The following GSK3B variants were observed in gnomAD, a reference collection of about 807,000 sequenced individuals.
The protein encoded by GSK3B is glycogen synthase kinase-3 beta.
In GSK3B, 15 loss-of-function variants were observed where a neutral mutation model predicts 56.4. The ratio of observed to expected loss-of-function variants is 0.27; its 90% CI spans 0.18 to 0.41. GSK3B has a LOEUF of 0.41. Among genes scored for constraint, GSK3B ranks in the 10% least tolerant of loss-of-function variants. GSK3B has a pLI of 1.00. For synonymous variants in GSK3B, 181 were observed against 188.9 expected (o/e 0.96, Z 0.34); for missense variants, 300 against 513.4 (o/e 0.58, Z 4.02).
intron 8 of GSK3B, among the ~76,000 whole-genome samples, chr3:119,863,947 A>G (rs2056143155): frequency 6.6e-6 from 1 of 152,210 alleles, no homozygotes; most frequent in Non-Finnish European, 1.5e-5. Flanking sequence ...TTTCACTGCT[A>G]TGGCAGTAAA....
intron 6 of GSK3B, among the ~76,000 whole-genome samples, chr3:119,907,076 C>G (rs2056689742): frequency 6.6e-6 from 1 of 152,034 alleles, no homozygotes; most frequent in Non-Finnish European, 1.5e-5. Flanking sequence ...GTTAGGGAAT[C>G]TTTACTCAAA....
At chr3:119,963,246 T>G (rs547036449) in intron 2 of GSK3B, among the ~76,000 whole-genome samples, 2 of 152,286 alleles carry the variant, frequency 1.3e-5, no homozygotes, top group Admixed American at 6.5e-5. Flanking sequence ...TAAATTAATA[T>G]TGTTAAAATG....
At chr3:119,991,310 G>C (rs965267109) in intron 2 of GSK3B, among the ~76,000 whole-genome samples, 8 of 152,006 alleles carry the variant, frequency 5.3e-5, no homozygotes, top group Non-Finnish European at 1.2e-4. Context: ...CCCAAGTTAA[G>C]ATAGTTTAAG....
intron 2 of GSK3B, among the ~76,000 whole-genome samples, chr3:119,982,786 G>A (rs1042056675): frequency 6.6e-6 from 1 of 152,186 alleles, no homozygotes; most frequent in African/African-American, 2.4e-5. Flanking sequence ...ACACTCTGCA[G>A]GATATTATCC....
intron 1 of GSK3B, among the ~76,000 whole-genome samples, chr3:120,014,774 G>GCA (rs1559876921): frequency 6.6e-6 from 1 of 152,138 alleles, no homozygotes; most frequent in African/African-American, 2.4e-5. Flanking sequence ...AAAAGGAGAG[G>GCA]CAGAGAAAAC....
rs59526500 is a variant in GSK3B, at chr3:119,952,487, C to CAA, written c.283-5138_283-5137dup. Reference sequence around the variant, plus strand: ...TGGCTGACAGAGAGAGACTCTGTCTCAAAAAAAAAAAAAAAAGAAAAGAAA... The same window carrying CAA: ...TGGCTGACAGAGAGAGACTCTGTCTCAAAAAAAAAAAAAAAAAAGAAAAGAAA... On this transcript the variant is annotated intron_variant, in intron 2 of 10. Coordinates refer to ENST00000264235, the MANE Select transcript of GSK3B (RefSeq NM_001146156.2). Among the ~76,000 whole-genome samples, 630 of 96,204 alleles carry CAA rather than the reference C, an allele frequency of 6.5e-3. 8 individuals are homozygous for CAA. The highest frequency in any genetic ancestry group is 0.022 in the African/African-American group (537 of 24,746). The allele number at this position is 96,204 out of a possible 152,430, so 63.1% of individuals were successfully genotyped here.
At chr3:119,936,925 T>C (rs890845714) in intron 3 of GSK3B, among the ~76,000 whole-genome samples, 1 of 151,890 alleles carries the variant, frequency 6.6e-6, no homozygotes, top group Admixed American at 6.6e-5. Flanking sequence ...CACCCCCAAA[T>C]AGCAGAGAAC....
intron 8 of GSK3B, among the ~76,000 whole-genome samples, chr3:119,865,347 T>G (rs1284527425): frequency 6.7e-6 from 1 of 150,086 alleles, no homozygotes; most frequent in Non-Finnish European, 1.5e-5. Context: ...GATGGCTGGA[T>G]GCTGAGTTAT....
chr3:119,877,809 A>AC (rs1430850584), intron 7 of GSK3B, among the ~76,000 whole-genome samples: 1 of 152,236 alleles, frequency 6.6e-6, no homozygotes, highest in Admixed American at 6.5e-5. Context: ...AAAAGAAAGT[A>AC]CATGGACCTG....
intron 4 of GSK3B, among the ~76,000 whole-genome samples, chr3:119,920,993 T>G (rs1486263339): frequency 1.3e-5 from 2 of 152,140 alleles, no homozygotes; most frequent in African/African-American, 4.8e-5. Context: ...CACCTCCCAC[T>G]AAAAGAACAA....
At chr3:119,971,690 C>A (rs2057368822) in intron 2 of GSK3B, among the ~76,000 whole-genome samples, 1 of 136,302 alleles carries the variant, frequency 7.3e-6, no homozygotes, top group Admixed American at 7.8e-5. Flanking sequence ...CGGCTCACTG[C>A]AAGCTCCGCC....
chr3:119,841,777 T>C (rs1162532999), intron 10 of GSK3B, among the ~76,000 whole-genome samples: 1 of 152,230 alleles, frequency 6.6e-6, no homozygotes, highest in African/African-American at 2.4e-5. Flanking sequence ...CAAGGTAGCA[T>C]GTGCTGATAA....
intron 7 of GSK3B, 60 bp from the exon 8 acceptor site, chr3:119,876,568 G>T: frequency 1.1e-6 from 1 of 917,504 alleles, no homozygotes. Flanking sequence ...TAGTCTCCAT[G>T]TTTTCAGGCA....
chr3:119,984,029 A>G (rs1437195767), intron 2 of GSK3B, among the ~76,000 whole-genome samples: 1 of 152,252 alleles, frequency 6.6e-6, no homozygotes, highest in Non-Finnish European at 1.5e-5. Flanking sequence ...GTGCAATAAA[A>G]TTAGAACTCA....
chr3:119,858,949 T>C (rs1011093136), intron 9 of GSK3B, among the ~76,000 whole-genome samples: 2 of 151,852 alleles, frequency 1.3e-5, no homozygotes, highest in African/African-American at 4.8e-5. Context: ...ATTAGTTCAA[T>C]ACAAACTTCC....
intron 1 of GSK3B, among the ~76,000 whole-genome samples, chr3:120,074,724 A>T (rs902775356): frequency 1.3e-5 from 2 of 152,212 alleles, no homozygotes; most frequent in African/African-American, 2.4e-5. Flanking sequence ...AAAAATAGAA[A>T]ACCTAAATAG....
chr3:120,088,191 G>A (rs1243536632), intron 1 of GSK3B, among the ~76,000 whole-genome samples: 3 of 152,120 alleles, frequency 2.0e-5, no homozygotes, highest in African/African-American at 7.2e-5. Flanking sequence ...CGTGCCAGCC[G>A]AACTAAATTG....
intron 1 of GSK3B, among the ~76,000 whole-genome samples, chr3:120,019,048 C>CA (rs914368172): frequency 6.6e-5 from 10 of 151,116 alleles, no homozygotes; most frequent in Non-Finnish European, 1.0e-4. Flanking sequence ...AATAAACAAA[C>CA]AAAAAAAAGG....
chr3:119,908,035 T>C (rs2056700025), intron 6 of GSK3B, among the ~76,000 whole-genome samples: 1 of 152,218 alleles, frequency 6.6e-6, no homozygotes, highest in Non-Finnish European at 1.5e-5. Flanking sequence ...CAGAAACAGT[T>C]ACTCTTTCAT....
Sources: allele counts gnomAD v4.1 joint callset (sites outside exome capture counted in the v4.1 genomes callset), GRCh38; gene constraint gnomAD v4.1.1; transcripts MANE v1.5; gene names NCBI Gene and HGNC (gene_info 2026-07-23, HGNC 2026-07-21).